Variants in RIMS2 observed in about 807,000 individuals in gnomAD.
The protein encoded by RIMS2 is regulating synaptic membrane exocytosis protein 2.
In RIMS2, 59 loss-of-function variants were observed where a neutral mutation model predicts 174.4. The ratio of observed to expected loss-of-function variants is 0.34; its 90% CI spans 0.27 to 0.42. The LOEUF (loss-of-function observed/expected upper bound fraction) is 0.42. Ranked by LOEUF, RIMS2 falls within the 10% of genes least tolerant of loss-of-function variation. The pLI is 1.00. For missense variants in RIMS2, 1,620 were observed against 1,666.3 expected, an observed-to-expected ratio of 0.97 and a Z score of 0.48; for synonymous variants, 606 against 572.5, an observed-to-expected ratio of 1.06 and a Z score of -0.84.
chr8:104,081,446 GCTGTTTTGTATT>G (rs1222083811), intron 19 of RIMS2, among the ~76,000 whole-genome samples: 3 of 151,744 alleles, frequency 2.0e-5, no homozygotes, highest in Non-Finnish European at 2.9e-5. Flanking sequence ...TTATTTTAAT[GCTGTTTTGTATT>G]CTGATTATTT....
intron 19 of RIMS2, among the ~76,000 whole-genome samples, chr8:104,073,682 C>G (rs2097236733): frequency 6.6e-6 from 1 of 152,120 alleles, no homozygotes; most frequent in African/African-American, 2.4e-5. Flanking sequence ...TGGGTTAGAA[C>G]AGAGGACAAT....
chr8:103,628,646 G>C (rs2095842807), intron 1 of RIMS2, among the ~76,000 whole-genome samples: 1 of 151,640 alleles, frequency 6.6e-6, no homozygotes, highest in African/African-American at 2.4e-5. Context: ...TGTGATTACA[G>C]GTGTGAGCCA....
chr8:103,520,728 T>A (rs1290553632), intron 1 of RIMS2, among the ~76,000 whole-genome samples: 2 of 152,166 alleles, frequency 1.3e-5, no homozygotes. Flanking sequence ...ATTTCAAGGC[T>A]GTTCATTACT....
intron 1 of RIMS2, among the ~76,000 whole-genome samples, chr8:103,522,692 A>ATTAGAAAAAGAGAAAAG (rs1335941935): frequency 6.6e-6 from 1 of 152,168 alleles, no homozygotes; most frequent in Non-Finnish European, 1.5e-5. Context: ...AAAAAGAGTA[A>ATTAGAAAAAGAGAAAAG]TCGATTATTT....
At chr8:104,181,241 T>C (rs1368747658) in intron 19 of RIMS2, among the ~76,000 whole-genome samples, 1 of 151,706 alleles carries the variant, frequency 6.6e-6, no homozygotes, top group Non-Finnish European at 1.5e-5. Context: ...TTGGAATTAA[T>C]AGTCCTTAGA....
intron 1 of RIMS2, among the ~76,000 whole-genome samples, chr8:103,525,649 C>G (rs1833639011): frequency 6.6e-6 from 1 of 152,092 alleles, no homozygotes; most frequent in South Asian, 2.1e-4. Flanking sequence ...ACTAGACAGG[C>G]AAAAATGACA....
chr8:103,683,285 AGTGGGCAG>A (rs1441493831), intron 1 of RIMS2, among the ~76,000 whole-genome samples: 1 of 152,216 alleles, frequency 6.6e-6, no homozygotes. Flanking sequence ...ACTGAACGCG[AGTGGGCAG>A]GTGTGAAGAG....
intron 1 of RIMS2, among the ~76,000 whole-genome samples, chr8:103,673,729 T>C (rs1476595699): frequency 3.3e-5 from 5 of 152,210 alleles, no homozygotes; most frequent in Admixed American, 3.3e-4. Flanking sequence ...TTTTCTCCAT[T>C]GTCTTGAATA....
rs529202547 is a variant in RIMS2, at chr8:104,090,730, T to G, written c.3334+76115T>G. 3.8e-4 allele frequency among the ~76,000 whole-genome samples: 57 copies of G among 151,948 alleles called. No homozygotes were observed. In the South Asian group the frequency reaches 0.012, roughly 32 times the overall value. On this transcript the variant is annotated intron_variant, in intron 19 of 23. Transcript: ENST00000504942. Reference sequence around the variant, plus strand: ...GATGAACCTGGCCAAATGGGGAAGGTGAAGCCTGAGGACATACTAGGAGTC... The same window carrying G: ...GATGAACCTGGCCAAATGGGGAAGGGGAAGCCTGAGGACATACTAGGAGTC...
intron 1 of RIMS2, among the ~76,000 whole-genome samples, chr8:103,622,822 C>T (rs2095667475): frequency 6.6e-6 from 1 of 152,172 alleles, no homozygotes; most frequent in African/African-American, 2.4e-5. Context: ...GGCATTTGCA[C>T]ATGTCTAAAA....
chr8:104,157,174 G>C (rs2134418287), intron 19 of RIMS2, among the ~76,000 whole-genome samples: 1 of 152,196 alleles, frequency 6.6e-6, no homozygotes, highest in South Asian at 2.1e-4. Flanking sequence ...CTCAAGTATT[G>C]TAGATGAGGT....
intron 16 of RIMS2, among the ~76,000 whole-genome samples, chr8:103,979,032 T>G (rs745517563): frequency 7.9e-5 from 12 of 152,210 alleles, no homozygotes; most frequent in Non-Finnish European, 1.3e-4. Context: ...TCTCTGAATA[T>G]TATTCAATAA....
chr8:104,018,910 C>A (rs1275611756), intron 19 of RIMS2, among the ~76,000 whole-genome samples: 2 of 152,096 alleles, frequency 1.3e-5, no homozygotes, highest in Non-Finnish European at 2.9e-5. Context: ...GAAATGCATA[C>A]CTTTTATTTT....
At chr8:103,870,228 T>C (rs2099104075) in intron 3 of RIMS2, among the ~76,000 whole-genome samples, 1 of 151,888 alleles carries the variant, frequency 6.6e-6, no homozygotes, top group Admixed American at 6.6e-5. Context: ...GGGCTCAGTT[T>C]ACACATCTGA....
chr8:103,718,196 G>A (rs1229256839), intron 2 of RIMS2, among the ~76,000 whole-genome samples: 1 of 152,104 alleles, frequency 6.6e-6, no homozygotes, highest in Non-Finnish European at 1.5e-5. Context: ...TAGAATCAAG[G>A]GACATGAAAG....
At chr8:103,937,097 C>CA (rs34266462) in intron 13 of RIMS2, among the ~76,000 whole-genome samples, 18,799 of 135,628 alleles carry the variant, frequency 0.14, 1,607 homozygotes, top group Non-Finnish European at 0.2. Flanking sequence ...GACTCTGTCT[C>CA]AAAAAAAAAA....
chr8:103,924,757 A>T (rs555265935), intron 10 of RIMS2, among the ~76,000 whole-genome samples: 40 of 151,790 alleles, frequency 2.6e-4, no homozygotes, highest in African/African-American at 9.1e-4. Flanking sequence ...AGGTGATTAT[A>T]AAAAAACATG....
At chr8:104,033,617 GTTTTT>G (rs894233040) in intron 19 of RIMS2, among the ~76,000 whole-genome samples, 1 of 146,530 alleles carries the variant, frequency 6.8e-6, no homozygotes, top group Non-Finnish European at 1.5e-5. Flanking sequence ...AATGATTATA[GTTTTT>G]TTTTTGTTTT....
chr8:104,251,171 C>T lies in RIMS2; in HGVS notation c.3831+8C>T. 6.2e-7 allele frequency: 1 copy of T among 1,603,858 alleles called. No individual in the cohort carries two copies. On this transcript the variant is annotated splice_region_variant and intron_variant, in intron 23 of 23. Transcript: ENST00000504942. ...CAAGGAAAAGTTTTACAGGTATCTA[C>T]TTAATTGTTTATCCCTTACCTAAGA...
Sources: gnomAD v4.1 joint callset for allele counts (sites outside exome capture counted in the v4.1 genomes callset) on GRCh38, gnomAD v4.1.1 for gene constraint, MANE v1.5 for transcripts, NCBI Gene and HGNC (gene_info 2026-07-23, HGNC 2026-07-21) for gene names.